The following VPS13B variants were observed in gnomAD, a reference collection of about 807,000 sequenced individuals.
VPS13B encodes vacuolar protein sorting 13 homolog B, also known as intermembrane lipid transfer protein VPS13B.
A neutral mutation model predicts 426.4 loss-of-function variants in VPS13B; 285 were observed. The observed-to-expected ratio is 0.67, with a 90% confidence interval of 0.61 to 0.74. The LOEUF is 0.74. Ranked by LOEUF, VPS13B falls within the 30% of genes least tolerant of loss-of-function variation. The pLI is 0.00. For missense variants in VPS13B, 4,537 were observed against 4,782.6 expected (o/e 0.95, Z 1.51); for synonymous variants, 1,676 against 1,676.4 (o/e 1.00, Z 0.01).
In VPS13B at chr8:99,556,437, G is replaced by A. The variant is rs561446691; in HGVS notation, c.4746-13G>A. The A allele has an allele frequency of 2.3e-5, 37 of 1,610,316 alleles. No homozygotes were observed. Among genetic ancestry groups the A allele is most frequent in the East Asian group, 8.9e-5 (4 of 44,774 alleles). On this transcript the variant is annotated splice_polypyrimidine_tract_variant and intron_variant, in intron 30 of 61. Transcript: ENST00000357162. Reference sequence around the variant, plus strand: ...TCTTGTTTTTATTTTTGTTTTTTTCGCTGCCTTTACAGGAGAGCCTTGAAC... The same window carrying A: ...TCTTGTTTTTATTTTTGTTTTTTTCACTGCCTTTACAGGAGAGCCTTGAAC...
chr8:99,240,023 A>G (rs1816838045), intron 17 of VPS13B, among the ~76,000 whole-genome samples: 1 of 152,114 alleles, frequency 6.6e-6, no homozygotes, highest in Admixed American at 6.5e-5. Flanking sequence ...AGATAAGAGG[A>G]AGTGTGAACC....
At chr8:99,129,489 G>T (rs1056387666) in intron 8 of VPS13B, among the ~76,000 whole-genome samples, 1 of 147,670 alleles carries the variant, frequency 6.8e-6, no homozygotes, top group Non-Finnish European at 1.5e-5. Flanking sequence ...TATTGCTTGA[G>T]TCCTGGAGTT....
At chr8:99,867,250 C>A (rs1456714575) in intron 58 of VPS13B, among the ~76,000 whole-genome samples, 1 of 150,038 alleles carries the variant, frequency 6.7e-6, no homozygotes, top group Admixed American at 6.6e-5. Context: ...CACTCCATCA[C>A]GAAAAAAAAA....
intron 19 of VPS13B, among the ~76,000 whole-genome samples, chr8:99,278,361 G>A (rs2133009068): frequency 6.6e-6 from 1 of 152,138 alleles, no homozygotes; most frequent in Non-Finnish European, 1.5e-5. Flanking sequence ...TTATTAATGG[G>A]GATTTGGAAT....
chr8:99,832,360 T>TTTTTTTTTTTTTTTTTTG lies in VPS13B; in HGVS notation c.9331-3_9331-2insTTTTTTTTTTTGTTTTTT. 1 of 1,476,814 alleles carries TTTTTTTTTTTTTTTTTTG rather than the reference T, an allele frequency of 6.8e-7. No individual in the cohort carries two copies. The highest frequency in any genetic ancestry group is 1.3e-5 in the South Asian group (1 of 77,894). The allele number at this position is 1,476,814 out of a possible 1,614,324, so 91.5% of individuals were successfully genotyped here. ...CTCTGCATTTTTTTTTTTTTTTTTT[T>TTTTTTTTTTTTTTTTTTG]TTTTTTAGTATTTTCGTGTTCCAGA... On this transcript the variant is annotated splice_polypyrimidine_tract_variant and intron_variant, in intron 51 of 61. Transcript: ENST00000357162.
chr8:99,414,600 G>A (rs902417783), intron 21 of VPS13B, among the ~76,000 whole-genome samples: 21 of 152,174 alleles, frequency 1.4e-4, no homozygotes, highest in Admixed American at 5.2e-4. Flanking sequence ...AGAAGCTCTT[G>A]TAAGTCAGGC....
intron 17 of VPS13B, among the ~76,000 whole-genome samples, chr8:99,221,285 C>G (rs1049042215): frequency 9.0e-4 from 135 of 150,700 alleles, no homozygotes; most frequent in East Asian, 7.9e-3. Flanking sequence ...ATGATTTATA[C>G]TCATTTGGGT....
intron 19 of VPS13B, among the ~76,000 whole-genome samples, chr8:99,372,246 T>A: frequency 7.8e-6 from 1 of 128,294 alleles, no homozygotes; most frequent in Non-Finnish European, 1.6e-5. Flanking sequence ...CGAGACTCCG[T>A]CTCAAAAAAA....
intron 36 of VPS13B, among the ~76,000 whole-genome samples, chr8:99,716,339 T>C (rs572592341): frequency 6.6e-6 from 1 of 152,202 alleles, no homozygotes; most frequent in East Asian, 1.9e-4. Flanking sequence ...GGATCAAATA[T>C]CATTAGAAAA....
intron 39 of VPS13B, among the ~76,000 whole-genome samples, chr8:99,759,859 C>T (rs1393853039): frequency 6.6e-6 from 1 of 152,194 alleles, no homozygotes. Flanking sequence ...TTACATACTA[C>T]TCTGTTGCCA....
intron 19 of VPS13B, among the ~76,000 whole-genome samples, chr8:99,350,131 G>C (rs905081099): frequency 6.6e-6 from 1 of 151,852 alleles, no homozygotes; most frequent in Non-Finnish European, 1.5e-5. Context: ...GCATTAACTC[G>C]GTCAAGATGA....
chr8:99,104,406 T>A (rs1846930566), intron 5 of VPS13B, among the ~76,000 whole-genome samples: 1 of 152,202 alleles, frequency 6.6e-6, no homozygotes, highest in African/African-American at 2.4e-5. Flanking sequence ...TTAGTTTGAA[T>A]TGTTTATGTT....
At chr8:99,462,157 C>T (rs911753077) in intron 23 of VPS13B, among the ~76,000 whole-genome samples, 33 of 150,622 alleles carry the variant, frequency 2.2e-4, no homozygotes, top group African/African-American at 6.3e-4. Context: ...TCCCTTCCTC[C>T]CTCCCTTTCT....
At chr8:99,612,265 C>CT (rs1361935848) in intron 33 of VPS13B, among the ~76,000 whole-genome samples, 1 of 152,082 alleles carries the variant, frequency 6.6e-6, no homozygotes, top group Non-Finnish European at 1.5e-5. Context: ...AGTAGCAGTG[C>CT]TTAACGTTAT....
intron 54 of VPS13B, among the ~76,000 whole-genome samples, chr8:99,835,961 C>G (rs1257427191): frequency 6.6e-6 from 1 of 152,052 alleles, no homozygotes; most frequent in Non-Finnish European, 1.5e-5. Flanking sequence ...GAGAGGAGCA[C>G]TAGTAAAAGC....
chr8:99,450,743 T>C (rs1164540467), intron 23 of VPS13B, among the ~76,000 whole-genome samples: 1 of 152,072 alleles, frequency 6.6e-6, no homozygotes, highest in Non-Finnish European at 1.5e-5. Flanking sequence ...TCTTTATCTT[T>C]TTTTTACTTG....
chr8:99,549,166 T>C lies in VPS13B; in HGVS notation c.4746-7284T>C, dbSNP rs373772778. 5.0e-4 allele frequency among the ~76,000 whole-genome samples: 76 copies of C among 152,270 alleles called. No individual in the cohort carries two copies. The South Asian group carries it at 0.016, about 31-fold the overall frequency. ...AAATTTTCCACAATAAAGTTTTTCTTGGCTTAGAAAGTAAGAGGTCTATTG... is the reference window on the plus strand; with the variant it reads ...AAATTTTCCACAATAAAGTTTTTCTCGGCTTAGAAAGTAAGAGGTCTATTG... On this transcript the variant is annotated intron_variant, in intron 30 of 61. Coordinates refer to ENST00000357162, the MANE Select transcript of VPS13B (RefSeq NM_152564.5).
chr8:99,718,345 G>A (rs906349241), intron 37 of VPS13B, among the ~76,000 whole-genome samples: 1 of 151,974 alleles, frequency 6.6e-6, no homozygotes, highest in African/African-American at 2.4e-5. Context: ...TGCAAGCACA[G>A]TGTCACTAGC....
At chr8:99,224,282 C>A (rs943346406) in intron 17 of VPS13B, among the ~76,000 whole-genome samples, 2 of 152,032 alleles carry the variant, frequency 1.3e-5, no homozygotes, top group South Asian at 4.1e-4. Context: ...TTCATAGAAA[C>A]ATATGGAAAC....
Sources: gnomAD v4.1 joint callset for allele counts (sites outside exome capture counted in the v4.1 genomes callset) on GRCh38, gnomAD v4.1.1 for gene constraint, MANE v1.5 for transcripts, NCBI Gene and HGNC (gene_info 2026-07-23, HGNC 2026-07-21) for gene names.